The following DPP10 variants were observed in gnomAD, a reference collection of about 807,000 sequenced individuals.
DPP10 encodes the protein inactive dipeptidyl peptidase 10.
DPP10 carries 33 observed loss-of-function variants against 120.9 expected under a neutral mutation model. That is an observed-to-expected ratio of 0.27 (90% CI 0.21 to 0.37). The LOEUF (loss-of-function observed/expected upper bound fraction) is 0.37. Ranked by LOEUF, DPP10 falls within the 10% of genes least tolerant of loss-of-function variation. DPP10 has a pLI of 1.00. For synonymous variants in DPP10, 337 were observed against 326.1 expected (o/e 1.03, Z -0.36); for missense variants, 816 against 942.8 (o/e 0.87, Z 1.76).
chr2:115,521,034 G>C (rs2077773007), intron 4 of DPP10, among the ~76,000 whole-genome samples: 1 of 152,170 alleles, frequency 6.6e-6, no homozygotes, highest in Non-Finnish European at 1.5e-5. Context: ...TGAATCACTT[G>C]AGCTAAGAAG....
chr2:115,780,808 A>G, intron 15 of DPP10, 66 bp from the exon 16 acceptor site: 4 of 1,448,726 alleles, frequency 2.8e-6, no homozygotes, highest in Non-Finnish European at 3.7e-6. Flanking sequence ...TTTAAATATG[A>G]ACACCACACA....
At chr2:114,677,645 G>T (rs1698755983) in intron 1 of DPP10, among the ~76,000 whole-genome samples, 1 of 152,102 alleles carries the variant, frequency 6.6e-6, no homozygotes, top group Non-Finnish European at 1.5e-5. Context: ...GTTAACAGCT[G>T]CTAAATGATG....
At chr2:114,520,692 G>C (rs2104652685) in intron 1 of DPP10, among the ~76,000 whole-genome samples, 1 of 152,290 alleles carries the variant, frequency 6.6e-6, no homozygotes, top group African/African-American at 2.4e-5. Flanking sequence ...CCTAAAGCTA[G>C]TCTAATCTTC....
At chr2:114,573,424 A>G (rs1416187049) in intron 1 of DPP10, among the ~76,000 whole-genome samples, 1 of 152,224 alleles carries the variant, frequency 6.6e-6, no homozygotes, top group African/African-American at 2.4e-5. Flanking sequence ...GTTCCACACA[A>G]TCAAAAGGGG....
At chr2:115,632,100 T>C (rs902926706) in intron 5 of DPP10, among the ~76,000 whole-genome samples, 4 of 152,226 alleles carry the variant, frequency 2.6e-5, no homozygotes, top group African/African-American at 9.6e-5. Flanking sequence ...TTCTTCTGTA[T>C]TGGGTACATA....
intron 3 of DPP10, among the ~76,000 whole-genome samples, chr2:115,396,830 A>G (rs547389669): frequency 5.9e-5 from 9 of 152,268 alleles, no homozygotes; most frequent in Admixed American, 5.9e-4. Context: ...TTGCACTCAT[A>G]TATCATTAAA....
chr2:115,523,595 C>A (rs771759718), intron 4 of DPP10, among the ~76,000 whole-genome samples: 1 of 152,000 alleles, frequency 6.6e-6, no homozygotes, highest in African/African-American at 2.4e-5. Flanking sequence ...TACATAACAG[C>A]GTACCATTTC....
intron 4 of DPP10, among the ~76,000 whole-genome samples, chr2:115,521,426 C>A (rs1027377258): frequency 6.6e-6 from 1 of 152,036 alleles, no homozygotes; most frequent in South Asian, 2.1e-4. Flanking sequence ...CCTTCAGGAG[C>A]GATAACAATA....
intron 1 of DPP10, among the ~76,000 whole-genome samples, chr2:115,153,291 G>A (rs1008372660): frequency 2.3e-4 from 35 of 152,154 alleles, no homozygotes; most frequent in African/African-American, 8.4e-4. Flanking sequence ...CCAATTTCCT[G>A]TTGGGAAAGG....
In DPP10 at chr2:115,204,580, G is replaced by A. The variant is rs138489973; in HGVS notation, c.61-104659G>A. ...TGTTACCACCCTCATTTTAGAAATG[G>A]GAATCTGAGGCTCAGGGAAATGGCC... On this transcript the variant is annotated intron_variant, in intron 1 of 25. Coordinates refer to ENST00000410059, the MANE Select transcript of DPP10 (RefSeq NM_020868.6). Among the ~76,000 whole-genome samples, 190 of 152,226 alleles carry A rather than the reference G, an allele frequency of 1.2e-3. 1 individual carries two copies. The highest frequency in any genetic ancestry group is 3.9e-3 in the African/African-American group (161 of 41,550).
At chr2:115,545,625 A>T (rs34530097) in intron 5 of DPP10, among the ~76,000 whole-genome samples, 10 of 152,138 alleles carry the variant, frequency 6.6e-5, no homozygotes, top group South Asian at 2.1e-4. Flanking sequence ...TAAAGTCTGG[A>T]AATCAGAAGT....
At chr2:114,787,735 A>C (rs559150642) in intron 1 of DPP10, among the ~76,000 whole-genome samples, 29 of 152,274 alleles carry the variant, frequency 1.9e-4, no homozygotes, top group Non-Finnish European at 4.0e-4. Context: ...TGCACACCAC[A>C]ATTCCTCTGA....
At chr2:115,587,567 G>A (rs780948272) in intron 5 of DPP10, among the ~76,000 whole-genome samples, 15 of 152,074 alleles carry the variant, frequency 9.9e-5, no homozygotes, top group East Asian at 5.8e-4. Context: ...GATACACTTC[G>A]TGCACCCCCA....
At chr2:114,812,543 G>A (rs1685263069) in intron 1 of DPP10, among the ~76,000 whole-genome samples, 1 of 150,378 alleles carries the variant, frequency 6.6e-6, no homozygotes, top group South Asian at 2.1e-4. Context: ...AGCTGTGATT[G>A]CATCACTGCA....
chr2:114,845,271 A>C (rs904268668), intron 1 of DPP10, among the ~76,000 whole-genome samples: 2 of 152,172 alleles, frequency 1.3e-5, no homozygotes, highest in Non-Finnish European at 2.9e-5. Flanking sequence ...TAGGAAAACA[A>C]GTATAGCAGA....
intron 1 of DPP10, among the ~76,000 whole-genome samples, chr2:115,201,788 A>G (rs1010910331): frequency 1.3e-5 from 2 of 152,040 alleles, no homozygotes; most frequent in Non-Finnish European, 2.9e-5. Context: ...TGAAGGCTTT[A>G]TGTGTCCTCA....
chr2:115,352,737 CA>C (rs2064116655), intron 3 of DPP10, among the ~76,000 whole-genome samples: 1 of 151,988 alleles, frequency 6.6e-6, no homozygotes, highest in Non-Finnish European at 1.5e-5. Context: ...AAATTGTAAT[CA>C]AAAGGCTGTG....
At chr2:115,255,496 T>G (rs952299359) in intron 1 of DPP10, among the ~76,000 whole-genome samples, 1 of 152,256 alleles carries the variant, frequency 6.6e-6, no homozygotes, top group Non-Finnish European at 1.5e-5. Context: ...CCTTGTTACT[T>G]ATGCAAATTT....
At chr2:114,582,021 T>A (rs1166268946) in intron 1 of DPP10, among the ~76,000 whole-genome samples, 1 of 152,230 alleles carries the variant, frequency 6.6e-6, no homozygotes, top group Non-Finnish European at 1.5e-5. Flanking sequence ...GTACATTCTA[T>A]GGGTTTGGAT....
Sources: allele counts gnomAD v4.1 joint callset (sites outside exome capture counted in the v4.1 genomes callset), GRCh38; gene constraint gnomAD v4.1.1; transcripts MANE v1.5; gene names NCBI Gene and HGNC (gene_info 2026-07-23, HGNC 2026-07-21).